Variants in FARS2 observed in about 807,000 individuals in gnomAD.
The protein encoded by FARS2 is phenylalanine--tRNA ligase, mitochondrial.
In FARS2, 40 loss-of-function variants were observed where a neutral mutation model predicts 46.4. The ratio of observed to expected loss-of-function variants is 0.86; its 90% CI spans 0.67 to 1.12. The LOEUF is 1.12. Ranked by LOEUF, FARS2 falls within the 50% of genes most tolerant of loss-of-function variation. The pLI is 0.00. For missense variants in FARS2, 513 were observed against 567.9 expected (o/e 0.90, Z 0.98); for synonymous variants, 234 against 214.9 (o/e 1.09, Z -0.78).
chr6:5,755,404 T>C (rs1762155369), intron 6 of FARS2, among the ~76,000 whole-genome samples: 2 of 152,144 alleles, frequency 1.3e-5, no homozygotes, highest in African/African-American at 4.8e-5. Flanking sequence ...GTGTTCTCAT[T>C]GTTCAACTCC....
At chr6:5,562,792 T>C (rs1486031918) in intron 5 of FARS2, among the ~76,000 whole-genome samples, 3 of 151,414 alleles carry the variant, frequency 2.0e-5, no homozygotes, top group Non-Finnish European at 2.9e-5. Context: ...TCTTTTCTTT[T>C]CTTTTTTCTT....
intron 5 of FARS2, among the ~76,000 whole-genome samples, chr6:5,611,160 A>G (rs778600054): frequency 7.2e-5 from 11 of 152,228 alleles, no homozygotes; most frequent in Admixed American, 3.3e-4. Flanking sequence ...GTGAGGATGA[A>G]AAGTACTGTG....
chr6:5,290,501 A>G (rs535883486), intron 1 of FARS2, among the ~76,000 whole-genome samples: 1 of 152,362 alleles, frequency 6.6e-6, no homozygotes, highest in Admixed American at 6.5e-5. Flanking sequence ...AGAAAACAAG[A>G]CAGCCTATAT....
chr6:5,633,580 G>A (rs1241683621), intron 6 of FARS2, among the ~76,000 whole-genome samples: 3 of 152,042 alleles, frequency 2.0e-5, no homozygotes, highest in Non-Finnish European at 2.9e-5. Flanking sequence ...TGGCTTACCA[G>A]AGATAAGTTT....
chr6:5,390,647 C>G (rs1052092508), intron 2 of FARS2, among the ~76,000 whole-genome samples: 1 of 152,200 alleles, frequency 6.6e-6, no homozygotes, highest in Non-Finnish European at 1.5e-5. Flanking sequence ...TTGGTCAGTT[C>G]TCAAACATAT....
intron 6 of FARS2, among the ~76,000 whole-genome samples, chr6:5,742,924 C>T (rs958192210): frequency 2.0e-5 from 3 of 151,964 alleles, no homozygotes; most frequent in Non-Finnish European, 2.9e-5. Flanking sequence ...AGGAAATGGG[C>T]TCCCAGTACT....
Position 5,454,520 on chromosome 6 carries a change from A to G in FARS2, c.904+23348A>G, listed in dbSNP as rs552942177. On this transcript the variant is annotated intron_variant, in intron 4 of 6. Transcript: ENST00000274680. Reference sequence around the variant, plus strand: ...CTACCATGCCCGGCTAATTTTTTGTATTTTTAGTAGATATGGGGTTTCACC... The same window carrying G: ...CTACCATGCCCGGCTAATTTTTTGTGTTTTTAGTAGATATGGGGTTTCACC... Among the ~76,000 whole-genome samples the G allele has an allele frequency of 5.3e-5, 8 of 151,682 alleles. No individual in the cohort carries two copies. In the East Asian group the frequency reaches 1.2e-3, roughly 22 times the overall value.
At chr6:5,627,789 G>T (rs1424124807) in intron 6 of FARS2, among the ~76,000 whole-genome samples, 2 of 152,188 alleles carry the variant, frequency 1.3e-5, no homozygotes, top group Non-Finnish European at 2.9e-5. Flanking sequence ...TTTTTCTCCA[G>T]AGGTAACTAA....
chr6:5,265,155 A>G (rs1192876617), intron 1 of FARS2, among the ~76,000 whole-genome samples: 1 of 152,178 alleles, frequency 6.6e-6, no homozygotes, highest in Non-Finnish European at 1.5e-5. Flanking sequence ...ACGCTAAAGG[A>G]ATAGGGAAGA....
At chr6:5,466,654 C>T in intron 4 of FARS2, 1 of 985,402 alleles carries the variant, frequency 1.0e-6, no homozygotes, top group African/African-American at 1.7e-5. Context: ...CTCAGGCATG[C>T]TGGCAAAGTG....
intron 6 of FARS2, among the ~76,000 whole-genome samples, chr6:5,751,969 C>G (rs1392264468): frequency 6.6e-6 from 1 of 152,198 alleles, no homozygotes; most frequent in Non-Finnish European, 1.5e-5. Flanking sequence ...GCCCTGGCCC[C>G]TCTTCATGGG....
chr6:5,735,135 G>A (rs916783636), intron 6 of FARS2, among the ~76,000 whole-genome samples: 1 of 152,124 alleles, frequency 6.6e-6, no homozygotes, highest in Non-Finnish European at 1.5e-5. Context: ...AGCCAACAAG[G>A]GCTTTTTTAC....
chr6:5,466,639 T>TCATTC, intron 4 of FARS2: 1 of 985,408 alleles, frequency 1.0e-6, no homozygotes, highest in Non-Finnish European at 1.2e-6. Flanking sequence ...CACTGAGAGC[T>TCATTC]CATTCTCAGG....
rs577379378 is a variant in FARS2, at chr6:5,399,925, A to G, written c.613-4617A>G. On this transcript the variant is annotated intron_variant, in intron 2 of 6. Transcript: ENST00000274680. ...TGGTGCAGTTACAAACAATACTACA[A>G]TGAAAATTTTGTGCATGTGTATTAA... is the stretch of plus-strand genomic sequence containing the variant. Among the ~76,000 whole-genome samples, 14 of 152,296 alleles carry G rather than the reference A, an allele frequency of 9.2e-5. 1 individual carries two copies. The East Asian group carries it at 2.5e-3, about 27-fold the overall frequency.
rs1470340806 is a variant in FARS2 at position 5,277,664 on chromosome 6, T to C, written c.-22+16004T>C. Among the ~76,000 whole-genome samples the C allele has an allele frequency of 2.0e-5, 3 of 152,362 alleles. No homozygotes were observed. The East Asian group carries it at 5.8e-4, about 29-fold the overall frequency. On this transcript the variant is annotated intron_variant, in intron 1 of 6. Transcript: ENST00000274680. ...AATCTGTTTCTGTGTTATAGCATAT[T>C]ATCAGCAGTACCAGATTTACAGTGA...
chr6:5,651,816 A>G (rs1777380012), intron 6 of FARS2, among the ~76,000 whole-genome samples: 1 of 152,186 alleles, frequency 6.6e-6, no homozygotes, highest in Admixed American at 6.5e-5. Context: ...CTCAGTGCTT[A>G]ATCATTAGTC....
chr6:5,323,480 A>G (rs1379842889), intron 1 of FARS2, among the ~76,000 whole-genome samples: 1 of 152,142 alleles, frequency 6.6e-6, no homozygotes, highest in African/African-American at 2.4e-5. Flanking sequence ...AAAACCTCCT[A>G]CTGCTTTCCT....
chr6:5,254,376 A>G, the FARS2 span, among the ~76,000 whole-genome samples: 6 of 152,226 alleles, frequency 3.9e-5, no homozygotes, highest in Non-Finnish European at 8.8e-5. Context: ...AGAATCCCGA[A>G]GCACGGATTT....
At chr6:5,477,825 C>T (rs755066951) in intron 4 of FARS2, among the ~76,000 whole-genome samples, 1 of 151,894 alleles carries the variant, frequency 6.6e-6, no homozygotes, top group Non-Finnish European at 1.5e-5. Flanking sequence ...TGAAGACCAG[C>T]CTGGGCAAGA....
Sources: allele counts gnomAD v4.1 joint callset (sites outside exome capture counted in the v4.1 genomes callset), GRCh38; gene constraint gnomAD v4.1.1; transcripts MANE v1.5; gene names NCBI Gene and HGNC (gene_info 2026-07-23, HGNC 2026-07-21).